Variants in F2 observed in about 807,000 individuals in gnomAD.
F2 encodes the protein prothrombin.
Under a neutral mutation model 81.9 loss-of-function variants are expected in F2, and 34 were observed. That is an observed-to-expected ratio of 0.42 (90% confidence interval 0.32 to 0.55). The LOEUF (loss-of-function observed/expected upper bound fraction) is 0.55. Among genes scored for constraint, F2 ranks in the 20% least tolerant of loss-of-function variants. F2 has a pLI of 0.18. For synonymous variants in F2, 296 were observed against 326.4 expected (o/e 0.91, Z 1.01); for missense variants, 630 against 833.4 (o/e 0.76, Z 3.00).
chr11:46,729,288 C>A, intron 11 of F2, 92 bp from the exon 12 acceptor site: 5 of 1,394,920 alleles, frequency 3.6e-6, no homozygotes, highest in Middle Eastern at 1.9e-4. Context: ...CCAGCTCTGG[C>A]GTTTTAGATT....
chr11:46,737,999 G>A (rs1187718862), intron 12 of F2, among the ~76,000 whole-genome samples: 2 of 151,788 alleles, frequency 1.3e-5, no homozygotes, highest in Non-Finnish European at 2.9e-5. Context: ...ACCATGTCCG[G>A]CTAATTTTTT....
In F2 at chr11:46,726,942, C is replaced by T. The variant is rs1405364751; in HGVS notation, c.1130+105C>T. On this transcript the variant is annotated intron_variant, in intron 9 of 13. Coordinates refer to ENST00000311907, the MANE Select transcript of F2 (RefSeq NM_000506.5). The surrounding 1 kb of genome is among the most constrained non-coding windows in gnomAD (Gnocchi z 5.9). ...CAGGCCTGGGCTTTACAGATGACAA[C>T]AGCTGAGCATCCAGGATCCCACCAA... 4 of 1,555,216 alleles carry T rather than the reference C, an allele frequency of 2.6e-6. No homozygotes were observed. The highest frequency in any genetic ancestry group is 3.6e-4 in the Middle Eastern group (2 of 5,598).
chr11:46,725,740 G>C, intron 6 of F2, 119 bp from the exon 7 acceptor site: 1 of 1,169,598 alleles, frequency 8.5e-7, no homozygotes, highest in Admixed American at 1.7e-5. Context: ...GCCCAGAGAG[G>C]TTAAGTAACC....
chr11:46,720,682 C>A, intron 3 of F2, 108 bp from the exon 4 acceptor site: 1 of 1,500,236 alleles, frequency 6.7e-7, no homozygotes. Context: ...TGGTCCCTCC[C>A]ATCTGTTCAT....
At position 46,719,354 on chromosome 11, in the gene F2, G is replaced by A. The variant is rs771022969; in HGVS notation, c.79+40G>A. ...GCAGGCTGGAACAGGCTGGAGGACT[G>A]GGGTGTGGGCCCATGGGCTGGGGTC... is the stretch of plus-strand genomic sequence containing the variant. On this transcript the variant is annotated intron_variant, in intron 1 of 13. Coordinates refer to ENST00000311907, the MANE Select transcript of F2 (RefSeq NM_000506.5). This position sits in a 1 kb window ranked among gnomAD's most constrained non-coding sequence, Gnocchi z 4.7. 9.4e-6 allele frequency: 15 copies of A among 1,593,784 alleles called. No homozygotes were observed. Among genetic ancestry groups the A allele is most frequent in the African/African-American group, 9.4e-5 (7 of 74,400 alleles).
intron 4 of F2, among the ~76,000 whole-genome samples, chr11:46,722,327 C>T (rs1181325573): frequency 6.6e-6 from 1 of 152,172 alleles, no homozygotes; most frequent in Non-Finnish European, 1.5e-5. Flanking sequence ...TGTGGTGGCT[C>T]AAGCCTGTAA....
rs753768138 is a variant in F2 at position 46,728,030 on chromosome 11, C to G, written c.1165C>G (p.Leu389Val). ...VMLFRKSPQE[L>V]LCGASLISDR... ...GCTTTTCCGGAAGAGTCCCCAGGAGCTGCTGTGTGGGGCCAGCCTCATCAG... is the reference window on the plus strand; with the variant it reads ...GCTTTTCCGGAAGAGTCCCCAGGAGGTGCTGTGTGGGGCCAGCCTCATCAG... Residue 389 changes from leucine to valine, a missense_variant, in exon 10 of 14, where the codon CTG becomes GTG. Transcript: ENST00000311907. The surrounding 1 kb of genome is among the most constrained non-coding windows in gnomAD (Gnocchi z 5.1). 47 of 1,610,964 alleles carry G rather than the reference C, an allele frequency of 2.9e-5. No individual in the cohort carries two copies. Among genetic ancestry groups the G allele is most frequent in the Non-Finnish European group, 8.5e-7 (1 of 1,179,050 alleles).
At chr11:46,733,984 T>A (rs572480044) in intron 12 of F2, among the ~76,000 whole-genome samples, 21 of 151,892 alleles carry the variant, frequency 1.4e-4, no homozygotes, top group Non-Finnish European at 2.8e-4. Context: ...GACAGGGTTT[T>A]ACCAGATTGG....
chr11:46,720,972 G>A (rs2064832487), intron 4 of F2, 132 bp downstream of exon 4: 1 of 875,774 alleles, frequency 1.1e-6, no homozygotes. Context: ...CCCATTCCTG[G>A]GGTCAAGATG....
At position 46,719,450 on chromosome 11, in the gene F2, G is replaced by T. The variant is rs749995878; in HGVS notation, c.79+136G>T. 1.8e-6 allele frequency: 2 copies of T among 1,085,378 alleles called. No individual in the cohort carries two copies. Among genetic ancestry groups the T allele is most frequent in the Non-Finnish European group, 2.7e-6 (2 of 732,302 alleles). 67.2% of individuals were successfully genotyped at this position (1,085,378 alleles called of 1,614,324 possible). A position where few individuals can be genotyped will look rare whatever the true frequency, so the allele number is the denominator to read the frequency against. On this transcript the variant is annotated intron_variant, in intron 1 of 13. Transcript: ENST00000311907. The surrounding 1 kb of genome is among the most constrained non-coding windows in gnomAD (Gnocchi z 4.7). ...AGCCCCAGGCGGCCAGCTTAGGGAA[G>T]AAGTCAGGAGCTCAGGGCTGGAAAG...
intron 12 of F2, among the ~76,000 whole-genome samples, chr11:46,733,955 T>G (rs2064928614): frequency 6.6e-6 from 1 of 151,456 alleles, no homozygotes; most frequent in South Asian, 2.1e-4. Flanking sequence ...TGCCCGCTAA[T>G]TTTTGTATTT....
At chr11:46,720,586 TG>T (rs754338884) in intron 3 of F2, 39 bp downstream of exon 3, 5 of 1,613,462 alleles carry the variant, frequency 3.1e-6, no homozygotes, top group African/African-American at 1.3e-5. Context: ...AAGGGAGGCC[TG>T]GGGACCCCAG....
In F2 at chr11:46,728,130, TTC is replaced by T; in HGVS notation, c.1267_1268del (p.Leu423GlyfsTer16). On this transcript the variant is annotated frameshift_variant, in exon 10 of 14. Transcript: ENST00000311907. LOFTEE classifies it high-confidence loss of function. The surrounding 1 kb of genome is among the most constrained non-coding windows in gnomAD (Gnocchi z 5.1). The stretch of plus-strand genomic sequence containing the variant: ...GACAAGAACTTCACCGAGAATGACC[TTC>T]TGGTGCGCATTGGCAAGCACTCCCG... 1 of 1,610,842 alleles carries T rather than the reference TTC, an allele frequency of 6.2e-7. No homozygotes were observed. Among genetic ancestry groups the T allele is most frequent in the Non-Finnish European group, 8.5e-7 (1 of 1,179,012 alleles).
At chr11:46,735,846 T>C (rs1050027482) in intron 12 of F2, among the ~76,000 whole-genome samples, 6 of 151,216 alleles carry the variant, frequency 4.0e-5, no homozygotes, top group African/African-American at 4.9e-5. Context: ...CGCTTGAACC[T>C]GGGAGACGGA....
In F2 at chr11:46,739,429, C is replaced by G; in HGVS notation, c.*21C>G. On this transcript the variant is annotated 3_prime_UTR_variant, in exon 14 of 14. Transcript: ENST00000311907. ...AGTAGGGGGCCACTCATATTCTGGG[C>G]TCCTGGAACCAATCCCGTGAAAGAA... 1 of 1,613,862 alleles carries G rather than the reference C, an allele frequency of 6.2e-7. No homozygotes were observed. The highest frequency in any genetic ancestry group is 1.1e-5 in the South Asian group (1 of 91,058).
At chr11:46,722,033 CG>C (rs1473999441) in intron 4 of F2, among the ~76,000 whole-genome samples, 3 of 152,000 alleles carry the variant, frequency 2.0e-5, no homozygotes, top group Non-Finnish European at 4.4e-5. Context: ...TTAGTAGAGA[CG>C]GGGTTTCACC....
Position 46,728,814 on chromosome 11 carries a change from G to C in F2, c.1449G>C (p.Leu483=). The change falls in exon 11 of 14, where the codon CTG becomes CTC. Residue 483 remains leucine, a synonymous_variant. Coordinates refer to ENST00000311907, the MANE Select transcript of F2 (RefSeq NM_000506.5). This position sits in a 1 kb window ranked among gnomAD's most constrained non-coding sequence, Gnocchi z 5.1. ...GTGACTACATTCACCCTGTGTGTCT[G>C]CCCGACAGGGAGACGGCAGCCAGGT... ...AFSDYIHPVC[L]PDRETAASLL... The C allele has an allele frequency of 6.2e-7, 1 of 1,614,066 alleles. No homozygotes were observed.
At chr11:46,732,392 T>A (rs907521821) in intron 12 of F2, among the ~76,000 whole-genome samples, 1 of 151,236 alleles carries the variant, frequency 6.6e-6, no homozygotes. Context: ...AGGGTTCACC[T>A]TTTTTTTTCT....
chr11:46,737,566 G>A (rs1430763858), intron 12 of F2, among the ~76,000 whole-genome samples: 6 of 147,964 alleles, frequency 4.1e-5, no homozygotes, highest in South Asian at 2.2e-4. Flanking sequence ...TCAGCCTCCC[G>A]AGTAGCTGGG....
Sources: allele counts gnomAD v4.1 joint callset (sites outside exome capture counted in the v4.1 genomes callset), GRCh38; gene constraint gnomAD v4.1.1; non-coding constraint Gnocchi (gnomAD v3.1); transcripts MANE v1.5; gene names NCBI Gene and HGNC (gene_info 2026-07-23, HGNC 2026-07-21).